Variants in TMEM132B observed in about 807,000 individuals in gnomAD.
The protein encoded by TMEM132B is transmembrane protein 132B.
TMEM132B carries 18 observed loss-of-function variants against 90.8 expected under a neutral mutation model. The observed-to-expected ratio is 0.20, with a 90% CI of 0.14 to 0.29. The LOEUF (loss-of-function observed/expected upper bound fraction) is 0.29, where lower values mean the gene tolerates loss of function less well. TMEM132B is among the 10% of genes least tolerant of loss of function. The probability of loss-of-function intolerance (pLI) is 1.00; values close to 1 mark genes in which losing one functional copy is unlikely to be tolerated. For missense variants in TMEM132B, 1,096 were observed against 1,326.8 expected (o/e 0.83, Z 2.70); for synonymous variants, 504 against 523.3 (o/e 0.96, Z 0.50).
chr12:125,210,217 C>T (rs1873289219), intron 1 of TMEM132B, among the ~76,000 whole-genome samples: 1 of 152,032 alleles, frequency 6.6e-6, no homozygotes, highest in Non-Finnish European at 1.5e-5. Context: ...TCTGAGGAGA[C>T]CTGGGCAGGA....
At chr12:125,371,292 CAACACCCAGA>C (rs1192151957) in intron 2 of TMEM132B, among the ~76,000 whole-genome samples, 1 of 152,190 alleles carries the variant, frequency 6.6e-6, no homozygotes. Context: ...TCTCTTCTAG[CAACACCCAGA>C]AACACCCAGA....
chr12:125,400,497 T>C (rs1879288349), intron 2 of TMEM132B, among the ~76,000 whole-genome samples: 1 of 152,200 alleles, frequency 6.6e-6, no homozygotes, highest in Admixed American at 6.5e-5. Flanking sequence ...CCAAAATATC[T>C]GGGTTTCCAG....
chr12:125,416,841 C>A (rs1807813304), intron 3 of TMEM132B, among the ~76,000 whole-genome samples: 1 of 152,220 alleles, frequency 6.6e-6, no homozygotes, highest in African/African-American at 2.4e-5. Flanking sequence ...CACAACCCTG[C>A]TTGACCCATG....
chr12:125,526,862 TCCACCCATCCAA>T lies in TMEM132B; in HGVS notation c.1293+7247_1293+7258del, dbSNP rs1883476924. On this transcript the variant is annotated intron_variant, in intron 4 of 8. Coordinates refer to ENST00000682704, the MANE Select transcript of TMEM132B (RefSeq NM_001366854.1). ...TTCCTTCCTTCCATTCATCCAGCCA[TCCACCCATCCAA>T]CCACCCATCTACCCTTCCATCTACC... Among the ~76,000 whole-genome samples, 7 of 152,158 alleles carry T rather than the reference TCCACCCATCCAA, an allele frequency of 4.6e-5. No homozygotes were observed. The South Asian group carries it at 1.5e-3, about 32-fold the overall frequency.
chr12:125,205,489 C>T (rs1247413664), intron 1 of TMEM132B, among the ~76,000 whole-genome samples: 1 of 152,168 alleles, frequency 6.6e-6, no homozygotes, highest in Non-Finnish European at 1.5e-5. Context: ...TGAATCCTTT[C>T]AGTGAGGGTA....
At chr12:125,316,503 T>G (rs944919839) in intron 1 of TMEM132B, among the ~76,000 whole-genome samples, 6 of 115,990 alleles carry the variant, frequency 5.2e-5, no homozygotes, top group African/African-American at 2.1e-4. Flanking sequence ...CAATTTTAAA[T>G]GTAGAGAAAA....
intron 5 of TMEM132B, among the ~76,000 whole-genome samples, chr12:125,641,939 G>A (rs182867792): frequency 2.0e-5 from 3 of 152,350 alleles, no homozygotes; most frequent in African/African-American, 4.8e-5. Context: ...AGGGAGAAGT[G>A]AGAGCAGAAC....
chr12:125,461,811 G>A (rs1009661282), intron 3 of TMEM132B, among the ~76,000 whole-genome samples: 9 of 152,180 alleles, frequency 5.9e-5, no homozygotes, highest in Admixed American at 1.3e-4. Context: ...GGCCACCCTT[G>A]CCTTCTTCCT....
At chr12:125,243,010 C>CATATATATATATATATATATAT (rs763167605) in intron 1 of TMEM132B, among the ~76,000 whole-genome samples, 8 of 109,318 alleles carry the variant, frequency 7.3e-5, no homozygotes, top group African/African-American at 1.5e-4. Flanking sequence ...TCTCTTTCTT[C>CATATATATATATATATATATAT]ATATATATAT....
intron 4 of TMEM132B, among the ~76,000 whole-genome samples, chr12:125,561,369 CA>C (rs1332303414): frequency 7.0e-6 from 1 of 141,952 alleles, no homozygotes; most frequent in Non-Finnish European, 1.5e-5. Context: ...CGGGGCCTGT[CA>C]GGGGGTAGGG....
At chr12:125,398,695 G>A (rs1879229785) in intron 2 of TMEM132B, among the ~76,000 whole-genome samples, 1 of 152,186 alleles carries the variant, frequency 6.6e-6, no homozygotes, top group African/African-American at 2.4e-5. Context: ...TTACATATTG[G>A]CTATCAAATT....
intron 1 of TMEM132B, among the ~76,000 whole-genome samples, chr12:125,278,515 G>A (rs1261993389): frequency 2.1e-5 from 3 of 145,392 alleles, no homozygotes; most frequent in East Asian, 2.0e-4. Flanking sequence ...AGTAATATGA[G>A]TCATTTAACC....
intron 2 of TMEM132B, among the ~76,000 whole-genome samples, chr12:125,361,787 C>T (rs902747715): frequency 3.9e-5 from 6 of 152,170 alleles, no homozygotes; most frequent in Admixed American, 3.9e-4. Context: ...GTTTTCTCTC[C>T]CAATTGCATT....
intron 4 of TMEM132B, among the ~76,000 whole-genome samples, chr12:125,519,944 G>C (rs1449906186): frequency 6.6e-6 from 1 of 152,172 alleles, no homozygotes; most frequent in African/African-American, 2.4e-5. Flanking sequence ...ATGCATCAGG[G>C]TTACACGTTG....
At chr12:125,378,008 G>A (rs1452906513) in intron 2 of TMEM132B, among the ~76,000 whole-genome samples, 1 of 152,200 alleles carries the variant, frequency 6.6e-6, no homozygotes, top group African/African-American at 2.4e-5. Flanking sequence ...GGCTGGACAA[G>A]GGGAGGTGTC....
chr12:125,395,030 G>A (rs1879131789), intron 2 of TMEM132B, among the ~76,000 whole-genome samples: 2 of 152,164 alleles, frequency 1.3e-5, no homozygotes, highest in African/African-American at 4.8e-5. Flanking sequence ...GGTACCTCCT[G>A]AGTCTAAATT....
At chr12:125,262,589 C>T (rs1874593391) in intron 1 of TMEM132B, among the ~76,000 whole-genome samples, 1 of 152,160 alleles carries the variant, frequency 6.6e-6, no homozygotes, top group Non-Finnish European at 1.5e-5. Context: ...CTCTTGTCTA[C>T]CCTACATTGA....
intron 1 of TMEM132B, among the ~76,000 whole-genome samples, chr12:125,337,374 C>T (rs897022610): frequency 1.3e-5 from 2 of 152,070 alleles, no homozygotes; most frequent in African/African-American, 4.8e-5. Flanking sequence ...CAGCTTTCCT[C>T]GCGTGGAGGT....
chr12:125,344,545 A>C lies in TMEM132B; in HGVS notation c.68-4907A>C, dbSNP rs959968266. Reference sequence around the variant, plus strand: ...GGGGTTAGAACCACAGAGGAGATGCAGTTTCTGCCAGTGAATGCTGCAGGG... The same window carrying C: ...GGGGTTAGAACCACAGAGGAGATGCCGTTTCTGCCAGTGAATGCTGCAGGG... On this transcript the variant is annotated intron_variant, in intron 1 of 8. Coordinates refer to ENST00000682704, the MANE Select transcript of TMEM132B (RefSeq NM_001366854.1). 8.5e-5 allele frequency among the ~76,000 whole-genome samples: 13 copies of C among 152,250 alleles called. No homozygotes were observed. In the East Asian group the frequency reaches 2.5e-3, roughly 29 times the overall value.
Sources: gnomAD v4.1 joint callset for allele counts (sites outside exome capture counted in the v4.1 genomes callset) on GRCh38, gnomAD v4.1.1 for gene constraint, MANE v1.5 for transcripts, NCBI Gene and HGNC (gene_info 2026-07-23, HGNC 2026-07-21) for gene names.